Variants in PTPRN2 observed in about 807,000 individuals in gnomAD.
PTPRN2 encodes the protein receptor-type tyrosine-protein phosphatase N2.
Under a neutral mutation model 118.8 loss-of-function variants are expected in PTPRN2, and 74 were observed. The ratio of observed to expected loss-of-function variants is 0.62; its 90% CI spans 0.52 to 0.76. The LOEUF (loss-of-function observed/expected upper bound fraction) is 0.76, where lower values mean the gene tolerates loss of function less well. PTPRN2 is among the 30% of genes least tolerant of loss of function. PTPRN2 has a pLI of 0.00. For missense variants in PTPRN2, 1,481 were observed against 1,394.4 expected (o/e 1.06, Z -0.99); for synonymous variants, 641 against 608.0 (o/e 1.05, Z -0.80).
In PTPRN2 at chr7:157,802,478, G is replaced by A. The variant is rs1349730444; in HGVS notation, c.1788+96195C>T. On this transcript the variant is annotated intron_variant, in intron 12 of 22. Transcript: ENST00000389418. ...ATGCACCACGCTTTCCTGCCCGCTCGTCCCTGGGGGACATGTGCTTCCATG... is the reference window on the plus strand; with the variant it reads ...ATGCACCACGCTTTCCTGCCCGCTCATCCCTGGGGGACATGTGCTTCCATG... Among the ~76,000 whole-genome samples, 4 of 152,170 alleles carry A rather than the reference G, an allele frequency of 2.6e-5. No individual in the cohort carries two copies. The East Asian group carries it at 5.8e-4, about 22-fold the overall frequency.
chr7:157,578,263 C>T, intron 17 of PTPRN2, 123 bp from the exon 18 acceptor site: 1 of 1,233,482 alleles, frequency 8.1e-7, no homozygotes. Flanking sequence ...ATTTCATTTT[C>T]ATCAGACATG....
rs558742324 is a variant in PTPRN2 at position 157,585,915 on chromosome 7, C to T, written c.2497-7775G>A. On this transcript the variant is annotated intron_variant, in intron 17 of 22. Coordinates refer to ENST00000389418, the MANE Select transcript of PTPRN2 (RefSeq NM_002847.5). This position sits in a 1 kb window ranked among gnomAD's most constrained non-coding sequence, Gnocchi z 5.2. ...TCCCATTTTAAATTCCGCATGTGTGCGGCGAGAGACTGACCGACCATCTTT... is the reference window on the plus strand; with the variant it reads ...TCCCATTTTAAATTCCGCATGTGTGTGGCGAGAGACTGACCGACCATCTTT... 2.0e-5 allele frequency among the ~76,000 whole-genome samples: 3 copies of T among 152,280 alleles called. No homozygotes were observed. The highest frequency in any genetic ancestry group is 2.1e-4 in the South Asian group (1 of 4,818).
At chr7:157,752,879 C>T (rs893905936) in intron 12 of PTPRN2, among the ~76,000 whole-genome samples, 9 of 152,260 alleles carry the variant, frequency 5.9e-5, no homozygotes, top group Non-Finnish European at 8.8e-5. Context: ...TCGCAGCAGC[C>T]ACGCCGCCTT....
At chr7:158,132,140 C>A (rs1180335907) in intron 9 of PTPRN2, among the ~76,000 whole-genome samples, 3 of 140,628 alleles carry the variant, frequency 2.1e-5, no homozygotes, top group Non-Finnish European at 4.6e-5. Flanking sequence ...TACACACACA[C>A]GTACATACAC....
At chr7:158,437,785 C>G (rs535028579) in intron 2 of PTPRN2, among the ~76,000 whole-genome samples, 1 of 152,338 alleles carries the variant, frequency 6.6e-6, no homozygotes, top group East Asian at 1.9e-4. Flanking sequence ...GCCTCTGATT[C>G]AACTCAAGAA....
chr7:158,516,962 T>C (rs1164087956), intron 1 of PTPRN2, among the ~76,000 whole-genome samples: 1 of 152,208 alleles, frequency 6.6e-6, no homozygotes, highest in Non-Finnish European at 1.5e-5. Flanking sequence ...CACTACACCA[T>C]GGAAAGTCCT....
chr7:157,746,875 C>T (rs1284101667), intron 12 of PTPRN2, among the ~76,000 whole-genome samples: 1 of 152,184 alleles, frequency 6.6e-6, no homozygotes, highest in Non-Finnish European at 1.5e-5. Flanking sequence ...GATTCTGAGG[C>T]CTGTGTCCCT....
rs554890114 is a variant in PTPRN2 at position 157,831,816 on chromosome 7, C to T, written c.1788+66857G>A. Among the ~76,000 whole-genome samples, 3 of 152,324 alleles carry T rather than the reference C, an allele frequency of 2.0e-5. No homozygotes were observed. Among genetic ancestry groups the T allele is most frequent in the Admixed American group, 6.5e-5 (1 of 15,302 alleles). ...CTGGCCACGTTAGACCCTCACGAGACGTCCCACGAATGGAACCCTAGGCCA... is the reference window on the plus strand; with the variant it reads ...CTGGCCACGTTAGACCCTCACGAGATGTCCCACGAATGGAACCCTAGGCCA... On this transcript the variant is annotated intron_variant, in intron 12 of 22. Transcript: ENST00000389418. The surrounding 1 kb of genome is among the most constrained non-coding windows in gnomAD (Gnocchi z 4.8).
At chr7:157,791,536 G>GCACCCACCTGCCCCCC in intron 12 of PTPRN2, among the ~76,000 whole-genome samples, 2 of 128,966 alleles carry the variant, frequency 1.6e-5, no homozygotes, top group Middle Eastern at 4.0e-3. Context: ...ACCCGCCCCC[G>GCACCCACCTGCCCCCC]CTCCCTGCAC....
rs141505969 is a variant in PTPRN2 at position 157,598,347 on chromosome 7, G to C, written c.2419-3032C>G. Among the ~76,000 whole-genome samples, 1 of 152,320 alleles carries C rather than the reference G, an allele frequency of 6.6e-6. No homozygotes were observed. Among genetic ancestry groups the C allele is most frequent in the Non-Finnish European group, 1.5e-5 (1 of 68,034 alleles). ...CCCGACACAAACTGCCCGGCTGTGG[G>C]AAAAGGCCTGTCATATCTCCAGGCC... On this transcript the variant is annotated intron_variant, in intron 16 of 22. Transcript: ENST00000389418. This position sits in a 1 kb window ranked among gnomAD's most constrained non-coding sequence, Gnocchi z 5.2.
chr7:158,058,359 C>T (rs1213741033), intron 11 of PTPRN2, among the ~76,000 whole-genome samples: 7 of 142,654 alleles, frequency 4.9e-5, no homozygotes, highest in Non-Finnish European at 1.1e-4. Flanking sequence ...CATCTGCCCA[C>T]GGTGACACAT....
rs568591779 is a variant in PTPRN2 at position 157,690,214 on chromosome 7, C to G, written c.1789-7277G>C. On this transcript the variant is annotated intron_variant, in intron 12 of 22. Coordinates refer to ENST00000389418, the MANE Select transcript of PTPRN2 (RefSeq NM_002847.5). This position sits in a 1 kb window ranked among gnomAD's most constrained non-coding sequence, Gnocchi z 7.1. ...AATCTGTGCGCTCAGAAGGAGCTGC[C>G]CTTTGCCCGCTCCTCCTCACAGGCC... 6.6e-6 allele frequency among the ~76,000 whole-genome samples: 1 copy of G among 152,298 alleles called. No individual in the cohort carries two copies. The highest frequency in any genetic ancestry group is 6.5e-5 in the Admixed American group (1 of 15,306).
chr7:157,555,597 C>A (rs572930233), intron 21 of PTPRN2, among the ~76,000 whole-genome samples: 3 of 152,356 alleles, frequency 2.0e-5, no homozygotes, highest in African/African-American at 7.2e-5. Flanking sequence ...TGGCTTCCGG[C>A]AGCCTGTTCA....
intron 1 of PTPRN2, among the ~76,000 whole-genome samples, chr7:158,527,919 C>T (rs1425883773): frequency 8.8e-6 from 1 of 113,158 alleles, no homozygotes. Flanking sequence ...TCCTGTGTAG[C>T]AGGGACCACC....
chr7:158,476,655 C>T (rs1175274222), intron 2 of PTPRN2, among the ~76,000 whole-genome samples: 16 of 152,272 alleles, frequency 1.1e-4, no homozygotes, highest in Admixed American at 5.9e-4. Context: ...TCTGCTTCTC[C>T]GCCTGAGGCT....
chr7:158,416,584 G>C (rs1465490549), intron 2 of PTPRN2, among the ~76,000 whole-genome samples: 1 of 152,160 alleles, frequency 6.6e-6, no homozygotes, highest in East Asian at 1.9e-4. Flanking sequence ...TTTCGCAGAA[G>C]TGAATTATCA....
chr7:157,700,558 C>G (rs932798396), intron 12 of PTPRN2, among the ~76,000 whole-genome samples: 2 of 152,196 alleles, frequency 1.3e-5, no homozygotes, highest in Non-Finnish European at 2.9e-5. Context: ...TATTCCCCAT[C>G]CCCCTATGCT....
At chr7:158,290,487 G>A (rs1800053739) in intron 3 of PTPRN2, among the ~76,000 whole-genome samples, 1 of 152,168 alleles carries the variant, frequency 6.6e-6, no homozygotes, top group African/African-American at 2.4e-5. Context: ...GCCTGGGCCT[G>A]CATGATCCTA....
At chr7:158,162,394 T>C (rs1329336439) in intron 6 of PTPRN2, among the ~76,000 whole-genome samples, 2 of 152,296 alleles carry the variant, frequency 1.3e-5, no homozygotes, top group African/African-American at 2.4e-5. Context: ...TGGAGTGTTA[T>C]GGATTATAAT....
Sources: gnomAD v4.1 joint callset for allele counts (sites outside exome capture counted in the v4.1 genomes callset) on GRCh38, gnomAD v4.1.1 for gene constraint, Gnocchi (gnomAD v3.1) non-coding constraint, MANE v1.5 for transcripts, NCBI Gene and HGNC (gene_info 2026-07-23, HGNC 2026-07-21) for gene names.